RBFOX1: variants seen among roughly 807,000 people sequenced by gnomAD.
RBFOX1 encodes the protein RNA binding fox-1 homolog 1, also known as RNA binding protein fox-1 homolog 1.
A neutral mutation model predicts 57.7 loss-of-function variants in RBFOX1; 8 were observed. That is an observed-to-expected ratio of 0.14 (90% CI 0.08 to 0.25). The LOEUF is 0.25. RBFOX1 is among the 10% of genes least tolerant of loss of function. The probability of loss-of-function intolerance (pLI) is 1.00; values close to 1 mark genes in which losing one functional copy is unlikely to be tolerated. For missense variants in RBFOX1, 611 were observed against 548.5 expected (o/e 1.11, Z -1.14); for synonymous variants, 326 against 222.4 (o/e 1.47, Z -4.15).
intron 3 of RBFOX1, among the ~76,000 whole-genome samples, chr16:6,715,961 C>T (rs188798666): frequency 3.4e-4 from 52 of 152,198 alleles, no homozygotes; most frequent in Middle Eastern, 3.4e-3. Context: ...AAGGATACGA[C>T]GCAATTGACC....
intron 4 of RBFOX1, among the ~76,000 whole-genome samples, chr16:6,010,808 T>C (rs2094956891): frequency 6.6e-6 from 1 of 152,250 alleles, no homozygotes. Context: ...CCTCATATTA[T>C]CTACTTTATA....
chr16:5,465,323 A>G (rs2068919658), intron 1 of RBFOX1, among the ~76,000 whole-genome samples: 1 of 151,940 alleles, frequency 6.6e-6, no homozygotes, highest in African/African-American at 2.4e-5. Context: ...TTATGAAGAC[A>G]GAAGTCAGAC....
At chr16:6,750,445 T>G (rs2074705721) in intron 3 of RBFOX1, among the ~76,000 whole-genome samples, 1 of 152,174 alleles carries the variant, frequency 6.6e-6, no homozygotes, top group South Asian at 2.1e-4. Context: ...ATGTTTTCAG[T>G]CTACCAAAAC....
At chr16:6,165,794 A>G (rs2096912806) in intron 1 of RBFOX1, among the ~76,000 whole-genome samples, 1 of 152,248 alleles carries the variant, frequency 6.6e-6, no homozygotes, top group South Asian at 2.1e-4. Flanking sequence ...GTTATTTACA[A>G]GAAATCTGAG....
At chr16:6,814,250 T>TG (rs1555496108) in intron 3 of RBFOX1, among the ~76,000 whole-genome samples, 2 of 146,238 alleles carry the variant, frequency 1.4e-5, no homozygotes, top group Admixed American at 6.9e-5. Flanking sequence ...AAAATTGTGG[T>TG]GGGGGGGAGG....
At chr16:6,471,047 G>C (rs1407519614) in intron 2 of RBFOX1, among the ~76,000 whole-genome samples, 1 of 152,104 alleles carries the variant, frequency 6.6e-6, no homozygotes, top group Non-Finnish European at 1.5e-5. Context: ...TTTTCTTATA[G>C]AGGAATTAAA....
chr16:5,282,160 C>G (rs1370796132), intron 1 of RBFOX1, among the ~76,000 whole-genome samples: 3 of 152,216 alleles, frequency 2.0e-5, no homozygotes, highest in African/African-American at 7.2e-5. Context: ...AGTTTCCCTG[C>G]TCAAGCTCTC....
At chr16:7,469,391 C>A (rs8057315) in intron 4 of RBFOX1, among the ~76,000 whole-genome samples, 2 of 151,866 alleles carry the variant, frequency 1.3e-5, no homozygotes, top group Non-Finnish European at 2.9e-5. Context: ...ATTCCTAAAC[C>A]TATGAGGCTA....
At chr16:6,862,636 G>C (rs1325960076) in intron 3 of RBFOX1, among the ~76,000 whole-genome samples, 2 of 152,130 alleles carry the variant, frequency 1.3e-5, no homozygotes, top group Non-Finnish European at 2.9e-5. Flanking sequence ...GGACACAAAT[G>C]GAAAATGAAA....
At chr16:6,343,115 G>C (rs1162593506) in intron 2 of RBFOX1, among the ~76,000 whole-genome samples, 2 of 151,946 alleles carry the variant, frequency 1.3e-5, no homozygotes, top group Non-Finnish European at 1.5e-5. Context: ...TGAGTCTCTT[G>C]GTCTTTCTTT....
chr16:7,169,687 A>C (rs2080288874), intron 4 of RBFOX1, among the ~76,000 whole-genome samples: 1 of 152,226 alleles, frequency 6.6e-6, no homozygotes, highest in South Asian at 2.1e-4. Flanking sequence ...TTACTACTAC[A>C]CCAATGTCAA....
intron 4 of RBFOX1, among the ~76,000 whole-genome samples, chr16:7,150,542 G>T (rs926412731): frequency 1.3e-5 from 2 of 152,140 alleles, no homozygotes; most frequent in African/African-American, 4.8e-5. Context: ...GATGGCTACC[G>T]TGTGATCAAC....
At chr16:7,277,174 A>G (rs34857835) in intron 4 of RBFOX1, among the ~76,000 whole-genome samples, 19,309 of 152,222 alleles carry the variant, frequency 0.13, 1,587 homozygotes, top group Middle Eastern at 0.22. Flanking sequence ...TAAGAAATGC[A>G]ATTAACCGAC....
chr16:5,449,871 G>A (rs544171756), intron 1 of RBFOX1, among the ~76,000 whole-genome samples: 4 of 152,090 alleles, frequency 2.6e-5, no homozygotes, highest in African/African-American at 7.2e-5. Flanking sequence ...GCCTCCCAAA[G>A]GTCTTGGATT....
At chr16:5,813,837 C>G (rs2055524091) in intron 3 of RBFOX1, among the ~76,000 whole-genome samples, 3 of 152,308 alleles carry the variant, frequency 2.0e-5, no homozygotes, top group Admixed American at 2.0e-4. Context: ...TGACTGTGAA[C>G]TTAGTTAAAG....
At chr16:6,106,719 G>A (rs1265472298) in intron 1 of RBFOX1, among the ~76,000 whole-genome samples, 1 of 152,012 alleles carries the variant, frequency 6.6e-6, no homozygotes, top group East Asian at 1.9e-4. Context: ...CCAGGGTGGA[G>A]TGCAGTGGCC....
chr16:5,253,402 T>C (rs986144262), intron 1 of RBFOX1, among the ~76,000 whole-genome samples: 2 of 152,164 alleles, frequency 1.3e-5, no homozygotes, highest in African/African-American at 4.8e-5. Flanking sequence ...TCCACCCACC[T>C]CGGCCTCCCA....
intron 1 of RBFOX1, among the ~76,000 whole-genome samples, chr16:6,048,012 A>T (rs1293126671): frequency 1.3e-5 from 2 of 152,212 alleles, no homozygotes; most frequent in East Asian, 3.8e-4. Context: ...AGAGAGAAGG[A>T]AATGCCTCAT....
At chr16:6,240,982 A>G (rs75998446) in intron 1 of RBFOX1, among the ~76,000 whole-genome samples, 5,953 of 152,248 alleles carry the variant, frequency 0.039, 384 homozygotes, top group African/African-American at 0.13. Flanking sequence ...TTTACCGTAG[A>G]TACTCCTTCT....
Sources: gnomAD v4.1 joint callset for allele counts (sites outside exome capture counted in the v4.1 genomes callset) on GRCh38, gnomAD v4.1.1 for gene constraint, MANE v1.5 for transcripts, NCBI Gene and HGNC (gene_info 2026-07-23, HGNC 2026-07-21) for gene names.